Variants in KIF6 observed in about 807,000 individuals in gnomAD.
The protein encoded by KIF6 is kinesin family member 6.
A neutral mutation model predicts 112.7 loss-of-function variants in KIF6; 106 were observed. That is an observed-to-expected ratio of 0.94 (90% CI 0.80 to 1.11). The LOEUF (loss-of-function observed/expected upper bound fraction) is 1.11, where lower values mean the gene tolerates loss of function less well. Among genes scored for constraint, KIF6 ranks in the 50% least tolerant of loss-of-function variants. The pLI is 0.00. For missense variants in KIF6, 929 were observed against 964.0 expected (o/e 0.96, Z 0.48); for synonymous variants, 339 against 339.9 (o/e 1.00, Z 0.03).
intron 3 of KIF6, among the ~76,000 whole-genome samples, chr6:39,642,796 A>G (rs573149173): frequency 4.6e-5 from 7 of 152,252 alleles, no homozygotes; most frequent in Admixed American, 1.3e-4. Context: ...GCAGGACTAT[A>G]TGTATGCCCA....
At chr6:39,671,244 A>G (rs1786800628) in intron 3 of KIF6, among the ~76,000 whole-genome samples, 1 of 152,226 alleles carries the variant, frequency 6.6e-6, no homozygotes, top group Non-Finnish European at 1.5e-5. Context: ...CAGGATGTGA[A>G]AGGATTTGTA....
Position 39,343,576 on chromosome 6 carries a change from T to G in KIF6, c.2428+133A>C. The G allele has an allele frequency of 8.4e-7, 1 of 1,194,520 alleles. No individual in the cohort carries two copies. Among genetic ancestry groups the G allele is most frequent in the South Asian group, 1.5e-5 (1 of 66,110 alleles). 74.0% of individuals were successfully genotyped at this position (1,194,520 alleles called of 1,614,324 possible). On this transcript the variant is annotated intron_variant, in intron 22 of 22. Transcript: ENST00000287152. The surrounding 1 kb of genome is among the most constrained non-coding windows in gnomAD (Gnocchi z 4.1). ...GAATCAGAGGCTGGGCACATGTGAC[T>G]GACAGGCAGGCCAGTCCTGTGGCTT...
At chr6:39,637,573 T>C (rs1158821748) in intron 4 of KIF6, among the ~76,000 whole-genome samples, 1 of 151,970 alleles carries the variant, frequency 6.6e-6, no homozygotes, top group Non-Finnish European at 1.5e-5. Context: ...ACTGGGCTCT[T>C]ACTGTATCTT....
chr6:39,575,363 C>T (rs1423303776), intron 10 of KIF6, among the ~76,000 whole-genome samples: 28 of 151,916 alleles, frequency 1.8e-4, no homozygotes, highest in Admixed American at 1.3e-3. Context: ...CTCTGCCTCC[C>T]GGGTTGACGC....
At chr6:39,400,052 G>A (rs1768572355) in intron 15 of KIF6, among the ~76,000 whole-genome samples, 1 of 152,210 alleles carries the variant, frequency 6.6e-6, no homozygotes, top group Non-Finnish European at 1.5e-5. Flanking sequence ...GAGACTTCTG[G>A]GTACAGTCTG....
At chr6:39,396,617 C>A (rs1343008219) in intron 15 of KIF6, among the ~76,000 whole-genome samples, 1 of 152,176 alleles carries the variant, frequency 6.6e-6, no homozygotes, top group Non-Finnish European at 1.5e-5. Flanking sequence ...GCACTGCCAC[C>A]TCCTACTGTG....
At chr6:39,622,413 C>T (rs1783879390) in intron 5 of KIF6, among the ~76,000 whole-genome samples, 1 of 151,968 alleles carries the variant, frequency 6.6e-6, no homozygotes. Flanking sequence ...TCAATCTTTT[C>T]TTTTATTTCT....
At chr6:39,687,392 A>G (rs1319861705) in intron 3 of KIF6, among the ~76,000 whole-genome samples, 1 of 152,216 alleles carries the variant, frequency 6.6e-6, no homozygotes, top group Non-Finnish European at 1.5e-5. Context: ...TGAGCCTTTG[A>G]GAGTTCATAT....
At chr6:39,623,800 A>C (rs1416505239) in intron 5 of KIF6, among the ~76,000 whole-genome samples, 1 of 152,188 alleles carries the variant, frequency 6.6e-6, no homozygotes, top group African/African-American at 2.4e-5. Flanking sequence ...GGAGATTAAT[A>C]TACTGCTTGT....
At chr6:39,475,980 T>C (rs1435513766) in intron 13 of KIF6, among the ~76,000 whole-genome samples, 1 of 151,240 alleles carries the variant, frequency 6.6e-6, no homozygotes. Flanking sequence ...TTCTCACTTA[T>C]AAGTGGGAGC....
chr6:39,398,042 T>A (rs1444770053), intron 15 of KIF6, among the ~76,000 whole-genome samples: 1 of 152,198 alleles, frequency 6.6e-6, no homozygotes, highest in African/African-American at 2.4e-5. Context: ...CAAGGGATAG[T>A]AAATGGAGGC....
chr6:39,480,386 A>G (rs558370661), intron 13 of KIF6, among the ~76,000 whole-genome samples: 103 of 152,272 alleles, frequency 6.8e-4, no homozygotes, highest in Admixed American at 1.5e-3. Context: ...CCATCCTTGC[A>G]TCCCTGGTAT....
At chr6:39,426,778 G>A (rs1770794233) in intron 14 of KIF6, among the ~76,000 whole-genome samples, 1 of 152,094 alleles carries the variant, frequency 6.6e-6, no homozygotes, top group Non-Finnish European at 1.5e-5. Flanking sequence ...ATGGAATGAA[G>A]GGGATGGGGG....
intron 15 of KIF6, among the ~76,000 whole-genome samples, chr6:39,388,264 T>C (rs550887328): frequency 5.3e-5 from 8 of 150,910 alleles, no homozygotes; most frequent in African/African-American, 1.5e-4. Context: ...AAGTTCCTTT[T>C]TCCCAAACCC....
rs536605197 is a variant in KIF6, at chr6:39,696,342, ACTT to A, written c.251+18347_251+18349del. Among the ~76,000 whole-genome samples, 631 of 152,246 alleles carry A rather than the reference ACTT, an allele frequency of 4.1e-3. 1 individual carries two copies. Among genetic ancestry groups the A allele is most frequent in the African/African-American group, 0.011 (468 of 41,544 alleles). ...TCTCTTTAAAAATGAGGGGCTCCAA[ACTT>A]CTTCTCCCACTTTTTCCTTCCTGTT... On this transcript the variant is annotated intron_variant, in intron 3 of 22. Transcript: ENST00000287152.
chr6:39,476,627 G>A (rs575099271), intron 13 of KIF6, among the ~76,000 whole-genome samples: 60 of 152,266 alleles, frequency 3.9e-4, no homozygotes, highest in African/African-American at 1.4e-3. Context: ...CTACTAGTTA[G>A]TTCTATGAAA....
intron 3 of KIF6, among the ~76,000 whole-genome samples, chr6:39,668,747 G>T (rs1222732515): frequency 6.6e-6 from 1 of 151,812 alleles, no homozygotes; most frequent in Non-Finnish European, 1.5e-5. Flanking sequence ...CCCCAAATAA[G>T]AAACGCAAAT....
At chr6:39,479,575 T>C (rs1002361755) in intron 13 of KIF6, among the ~76,000 whole-genome samples, 2 of 152,160 alleles carry the variant, frequency 1.3e-5, no homozygotes, top group African/African-American at 4.8e-5. Context: ...GCTTTGGCTA[T>C]GTGGGCTCTT....
At chr6:39,628,265 T>C (rs1024350696) in intron 5 of KIF6, among the ~76,000 whole-genome samples, 1 of 152,126 alleles carries the variant, frequency 6.6e-6, no homozygotes, top group African/African-American at 2.4e-5. Flanking sequence ...TGTGTGTGTG[T>C]GTATACATTT....
Sources: gnomAD v4.1 joint callset for allele counts (sites outside exome capture counted in the v4.1 genomes callset) on GRCh38, gnomAD v4.1.1 for gene constraint, Gnocchi (gnomAD v3.1) non-coding constraint, MANE v1.5 for transcripts, NCBI Gene and HGNC (gene_info 2026-07-23, HGNC 2026-07-21) for gene names.